The following MEGF6 variants were observed in gnomAD, a reference collection of about 807,000 sequenced individuals.
MEGF6 encodes multiple EGF like domains 6.
A neutral mutation model predicts 207.1 loss-of-function variants in MEGF6; 184 were observed. The ratio of observed to expected loss-of-function variants is 0.89; its 90% CI spans 0.79 to 1.00. The LOEUF is 1.00. MEGF6 is among the 50% of genes least tolerant of loss of function. The probability of loss-of-function intolerance (pLI) is 0.00; values close to 1 mark genes in which losing one functional copy is unlikely to be tolerated. For missense variants in MEGF6, 2,282 were observed against 2,202.9 expected (o/e 1.04, Z -0.72); for synonymous variants, 1,038 against 910.0 (o/e 1.14, Z -2.53).
At chr1:3,551,511 C>T (rs921367043) in intron 4 of MEGF6, among the ~76,000 whole-genome samples, 5 of 152,192 alleles carry the variant, frequency 3.3e-5, no homozygotes, top group African/African-American at 4.8e-5. Context: ...AATACAACCC[C>T]ATAGCAGGCT....
the MEGF6 span, among the ~76,000 whole-genome samples, chr1:3,619,346 C>T: frequency 6.6e-6 from 1 of 152,240 alleles, no homozygotes; most frequent in Non-Finnish European, 1.5e-5. Context: ...TCCGGCTGGA[C>T]GTTCCATCAT....
At position 3,541,052 on chromosome 1, in the gene MEGF6, C is replaced by T. The variant is rs79646194; in HGVS notation, c.482-16806G>A. ...ACAGTCAGCAGCCCAGGTGTCAGGG[C>T]GGGGTGGGGCCAGGCGCAGGCTGGG... On this transcript the variant is annotated intron_variant, in intron 4 of 36. Coordinates refer to ENST00000356575, the MANE Select transcript of MEGF6 (RefSeq NM_001409.4). Among the ~76,000 whole-genome samples, 627 of 152,278 alleles carry T rather than the reference C, an allele frequency of 4.1e-3. 6 individuals carry two copies. Among genetic ancestry groups the T allele is most frequent in the Middle Eastern group, 0.017 (5 of 294 alleles).
Position 3,495,982 on chromosome 1 carries a change from TGGGTGCAGTTGGGG to T in MEGF6, c.3765_3778del (p.Pro1256ArgfsTer29). 1 of 1,559,116 alleles carries T rather than the reference TGGGTGCAGTTGGGG, an allele frequency of 6.4e-7. No individual in the cohort carries two copies. Among genetic ancestry groups the T allele is most frequent in the East Asian group, 2.3e-5 (1 of 43,536 alleles). On this transcript the variant is annotated frameshift_variant, in exon 30 of 37. Transcript: ENST00000356575. LOFTEE classifies it high-confidence loss of function. ...CGCCCCCTGCCCACACCCACACACG[TGGGTGCAGTTGGGG>T]CCGAAGCGGCCCTGCGGACAGGCTG...
In MEGF6 at chr1:3,499,786, C is replaced by T. The variant is rs372862677; in HGVS notation, c.2836+10G>A. 3.9e-5 allele frequency: 61 copies of T among 1,566,566 alleles called. No homozygotes were observed. Among genetic ancestry groups the T allele is most frequent in the African/African-American group, 3.2e-4 (24 of 74,122 alleles). ...CACCCAGCCTAGCCCCCGCCTGTGC[C>T]GTAGCTCACCATGCTCGCAGAAGGT... is the stretch of plus-strand genomic sequence containing the variant. On this transcript the variant is annotated intron_variant, in intron 22 of 36. Coordinates refer to ENST00000356575, the MANE Select transcript of MEGF6 (RefSeq NM_001409.4).
chr1:3,507,855 C>T lies in MEGF6; in HGVS notation c.1729G>A (p.Asp577Asn), dbSNP rs200614778. ...SCSCQNGGTC[D>N]SVTGACRCPP... is the part of the protein sequence containing the mutation. ...CAGCGGCAGGCCCCCGTGACAGAGT[C>T]GCAGGTCCCACCATTCTGACAGCTG... is the stretch of plus-strand genomic sequence containing the variant. Residue 577 changes from aspartate (D) to asparagine (N), a missense_variant, in exon 14 of 37, where the codon GAC becomes AAC. Asp to Asn is a conservative substitution (Grantham distance 23). Transcript: ENST00000356575. 695 of 1,612,772 alleles carry T rather than the reference C, an allele frequency of 4.3e-4. 8 individuals are homozygous for T. The South Asian group carries it at 6.7e-3, about 16-fold the overall frequency.
intron 4 of MEGF6, among the ~76,000 whole-genome samples, chr1:3,540,464 C>T (rs1433221257): frequency 6.6e-6 from 1 of 152,244 alleles, no homozygotes; most frequent in Non-Finnish European, 1.5e-5. Flanking sequence ...GGCCCAGGTT[C>T]AGGCCTGGGC....
rs527372074 is a variant in MEGF6 at position 3,541,244 on chromosome 1, G to A, written c.482-16998C>T. Among the ~76,000 whole-genome samples, 51 of 152,332 alleles carry A rather than the reference G, an allele frequency of 3.3e-4. 1 individual carries two copies. In the East Asian group the frequency reaches 3.9e-3, roughly 12 times the overall value. ...CTGAGCGTCACAGAGCGGGGCTGCCGCCCAGGCTTGGCATGGAGTGTGGGT... is the reference window on the plus strand; with the variant it reads ...CTGAGCGTCACAGAGCGGGGCTGCCACCCAGGCTTGGCATGGAGTGTGGGT... On this transcript the variant is annotated intron_variant, in intron 4 of 36. Transcript: ENST00000356575.
chr1:3,615,810 C>T (rs951471888), upstream of MEGF6, among the ~76,000 whole-genome samples: 1 of 152,216 alleles, frequency 6.6e-6, no homozygotes, highest in Admixed American at 6.5e-5. Context: ...CCCACCTGGC[C>T]TCGACTGCTT....
intron 1 of MEGF6, among the ~76,000 whole-genome samples, chr1:3,604,172 G>A (rs1644206569): frequency 6.6e-6 from 1 of 152,200 alleles, no homozygotes; most frequent in South Asian, 2.1e-4. Context: ...GAGAGGGGCT[G>A]GGGCTGCTGC....
intron 7 of MEGF6, among the ~76,000 whole-genome samples, chr1:3,513,816 AACTTGGCTT>A (rs1641439014): frequency 6.7e-6 from 1 of 148,224 alleles, no homozygotes; most frequent in Admixed American, 6.7e-5. Context: ...GGTCTTGAGC[AACTTGGCTT>A]AAGTGGTCCT....
At chr1:3,577,145 C>G (rs1207709092) in intron 4 of MEGF6, among the ~76,000 whole-genome samples, 5 of 152,244 alleles carry the variant, frequency 3.3e-5, no homozygotes, top group Non-Finnish European at 7.3e-5. Context: ...ATACCCTCCC[C>G]TTCTTCCGAG....
chr1:3,493,647 G>T, intron 34 of MEGF6, 124 bp downstream of exon 34: 3 of 1,339,542 alleles, frequency 2.2e-6, no homozygotes, highest in Non-Finnish European at 3.1e-6. Context: ...CAGTCCAGGT[G>T]CAGAGGCAAC....
chr1:3,538,530 G>A (rs893726650), intron 4 of MEGF6, among the ~76,000 whole-genome samples: 4 of 152,192 alleles, frequency 2.6e-5, no homozygotes, highest in Admixed American at 6.5e-5. Flanking sequence ...GCAGAAACAG[G>A]GGGGAGCCCC....
Position 3,515,405 on chromosome 1 carries a change from C to T in MEGF6, c.727G>A (p.Val243Ile). Reference sequence around the variant, plus strand: ...CTCCCAGGCTGGCAGCACTCACGGACACAATGCCTGCCGTCCTCCTGGAGC... The same window carrying T: ...CTCCCAGGCTGGCAGCACTCACGGATACAATGCCTGCCGTCCTCCTGGAGC... ...FQLQEDGRHC[V>I]RRSPCANRNG... is the part of the protein sequence containing the mutation. Residue 243 changes from valine to isoleucine, a missense_variant, in exon 6 of 37, where the codon GTC becomes ATC. Coordinates refer to ENST00000356575, the MANE Select transcript of MEGF6 (RefSeq NM_001409.4). The T allele has an allele frequency of 6.2e-7, 1 of 1,611,270 alleles. No individual in the cohort carries two copies. Among genetic ancestry groups the T allele is most frequent in the East Asian group, 2.2e-5 (1 of 44,844 alleles).
intron 4 of MEGF6, among the ~76,000 whole-genome samples, chr1:3,535,827 T>C (rs1642311464): frequency 6.6e-6 from 1 of 152,156 alleles, no homozygotes; most frequent in Non-Finnish European, 1.5e-5. Flanking sequence ...CCAAATCCTG[T>C]CCTCACTGGG....
chr1:3,501,775 G>A (rs1640879182), intron 18 of MEGF6, 21 bp downstream of exon 18: 2 of 1,608,418 alleles, frequency 1.2e-6, no homozygotes, highest in Non-Finnish European at 1.7e-6. Context: ...AGGCGGAACT[G>A]GGGCTGCGGC....
At chr1:3,588,735 C>T (rs537152130) in intron 3 of MEGF6, among the ~76,000 whole-genome samples, 56 of 152,182 alleles carry the variant, frequency 3.7e-4, no homozygotes, top group Admixed American at 1.0e-3. Flanking sequence ...GGCCCAAGCT[C>T]TCTAGACTCA....
chr1:3,542,700 C>T (rs550030016), intron 4 of MEGF6, among the ~76,000 whole-genome samples: 13 of 152,136 alleles, frequency 8.5e-5, no homozygotes, highest in Non-Finnish European at 1.8e-4. Flanking sequence ...GCAGGACTTG[C>T]CGCATCTTAC....
intron 1 of MEGF6, among the ~76,000 whole-genome samples, chr1:3,609,716 G>A (rs1400957689): frequency 1.3e-5 from 2 of 152,158 alleles, no homozygotes; most frequent in South Asian, 2.1e-4. Context: ...AGGACCTCCC[G>A]AGCCCAGGTG....
Sources: allele counts gnomAD v4.1 joint callset (sites outside exome capture counted in the v4.1 genomes callset), GRCh38; gene constraint gnomAD v4.1.1; transcripts MANE v1.5; gene names NCBI Gene and HGNC (gene_info 2026-07-23, HGNC 2026-07-21).